Variants in ZNF510 observed in about 807,000 individuals in gnomAD.
ZNF510 encodes the protein zinc finger protein 510.
ZNF510 carries 15 observed loss-of-function variants against 18.1 expected under a neutral mutation model. The ratio of observed to expected loss-of-function variants is 0.83; its 90% CI spans 0.55 to 1.28. The LOEUF (loss-of-function observed/expected upper bound fraction) is 1.28. Among genes scored for constraint, ZNF510 ranks in the 50% most tolerant of loss-of-function variants. The probability of loss-of-function intolerance (pLI) is 0.00; values close to 1 mark genes in which losing one functional copy is unlikely to be tolerated. For missense variants in ZNF510, 724 were observed against 791.8 expected (o/e 0.91, Z 1.03); for synonymous variants, 261 against 266.4 (o/e 0.98, Z 0.20).
intron 3 of ZNF510, among the ~76,000 whole-genome samples, chr9:96,768,028 A>G (rs1360478806): frequency 6.6e-6 from 1 of 152,238 alleles, no homozygotes; most frequent in Non-Finnish European, 1.5e-5. Context: ...ATGACCAAGT[A>G]CAATTTATTT....
At chr9:96,761,312 G>A (rs1849342028) in intron 5 of ZNF510, among the ~76,000 whole-genome samples, 1 of 152,146 alleles carries the variant, frequency 6.6e-6, no homozygotes, top group Non-Finnish European at 1.5e-5. Flanking sequence ...GTTCTACTGT[G>A]AAAATGACAT....
intron 3 of ZNF510, among the ~76,000 whole-genome samples, chr9:96,766,721 G>A (rs1362677997): frequency 6.6e-6 from 1 of 152,096 alleles, no homozygotes; most frequent in Admixed American, 6.5e-5. Context: ...TTAGCTTAGA[G>A]ATGTAGAGAG....
intron 2 of ZNF510, 142 bp downstream of exon 2, chr9:96,775,858 G>T: frequency 3.0e-6 from 3 of 994,134 alleles, no homozygotes; most frequent in Non-Finnish European, 2.9e-6. Flanking sequence ...AGAAAATGGG[G>T]GCTCTATGAG....
At chr9:96,767,623 A>T (rs7031150) in intron 3 of ZNF510, among the ~76,000 whole-genome samples, 1 of 152,170 alleles carries the variant, frequency 6.6e-6, no homozygotes, top group Non-Finnish European at 1.5e-5. Flanking sequence ...TTACATAACC[A>T]AGATGAAGTG....
intron 3 of ZNF510, 122 bp downstream of exon 3, chr9:96,774,666 T>TG: frequency 1.1e-6 from 1 of 878,616 alleles, no homozygotes; most frequent in South Asian, 1.8e-5. Context: ...GCTGTGCTAC[T>TG]GCCCTGCTTT....
intron 3 of ZNF510, among the ~76,000 whole-genome samples, chr9:96,773,340 C>A (rs987712888): frequency 6.6e-6 from 1 of 152,084 alleles, no homozygotes; most frequent in African/African-American, 2.4e-5. Flanking sequence ...AGAGTGCATA[C>A]AAGAGAAACA....
rs1849655110 is a variant in ZNF510, at chr9:96,774,814, C to T, written c.103G>A (p.Glu35Lys). 11 of 1,613,916 alleles carry T rather than the reference C, an allele frequency of 6.8e-6. No individual in the cohort carries two copies. The highest frequency in any genetic ancestry group is 9.3e-6 in the Non-Finnish European group (11 of 1,179,980). Residue 35 changes from glutamate (E) to lysine (K), a missense_variant, in exon 3 of 6, where the codon GAG becomes AAG. By Grantham distance (56) the Glu-to-Lys change is moderately conservative. Coordinates refer to ENST00000223428, the MANE Select transcript of ZNF510 (RefSeq NM_014930.3). ...YPLRFSTLFQ[E>K]QQKMNISQAS... ...TGAGATATGTTCATTTTCTGCTGCT[C>T]CTGAAAGAGTGTGGAGAACCGTAAA... is the stretch of plus-strand genomic sequence containing the variant.
At position 96,758,701 on chromosome 9, in the gene ZNF510, C is replaced by T. The variant is rs953274002; in HGVS notation, c.*77G>A. 2 of 1,423,152 alleles carry T rather than the reference C, an allele frequency of 1.4e-6. No homozygotes were observed. Among genetic ancestry groups the T allele is most frequent in the African/African-American group, 2.9e-5 (2 of 69,902 alleles). 88.2% of individuals were successfully genotyped at this position (1,423,152 alleles called of 1,614,324 possible). ...TGGGACTGTCTTCTTACATTCACTA[C>T]CCTCAATTGGTTTTTTGTGTATCTC... On this transcript the variant is annotated 3_prime_UTR_variant, in exon 6 of 6. Coordinates refer to ENST00000223428, the MANE Select transcript of ZNF510 (RefSeq NM_014930.3).
intron 3 of ZNF510, among the ~76,000 whole-genome samples, chr9:96,765,313 T>C (rs896192400): frequency 6.6e-6 from 1 of 152,154 alleles, no homozygotes; most frequent in East Asian, 1.9e-4. Flanking sequence ...AAATCAACAC[T>C]TGCAGTTATT....
Position 96,756,412 on chromosome 9 carries a change from G to A in ZNF510, c.*2366C>T, listed in dbSNP as rs1209852355. Reference sequence around the variant, plus strand: ...TTACAGTAACCTCTATGAATTGAGGGCTCTACTAAGCCAGCAACTTTGCTT... The same window carrying A: ...TTACAGTAACCTCTATGAATTGAGGACTCTACTAAGCCAGCAACTTTGCTT... On this transcript the variant is annotated 3_prime_UTR_variant, in exon 6 of 6. Transcript: ENST00000223428. The A allele has an allele frequency of 1.4e-5, 2 of 141,560 alleles. No individual in the cohort carries two copies. Among genetic ancestry groups the A allele is most frequent in the East Asian group, 1.9e-4 (1 of 5,180 alleles). The allele number at this position is 141,560 out of a possible 1,614,324, so 8.8% of individuals were successfully genotyped here.
intron 3 of ZNF510, among the ~76,000 whole-genome samples, chr9:96,769,432 G>A (rs1470010515): frequency 1.6e-5 from 2 of 128,214 alleles, no homozygotes; most frequent in East Asian, 2.0e-4. Flanking sequence ...CAAAGATTCC[G>A]TCTCCAAAAA....
chr9:96,764,143 CA>C (rs1849416184), intron 3 of ZNF510, among the ~76,000 whole-genome samples: 1 of 152,036 alleles, frequency 6.6e-6, no homozygotes, highest in African/African-American at 2.4e-5. Context: ...GAGTTATATA[CA>C]TATACTATAA....
chr9:96,774,722 A>G, intron 3 of ZNF510, 66 bp downstream of exon 3: 1 of 1,370,938 alleles, frequency 7.3e-7, no homozygotes, highest in Non-Finnish European at 1.0e-6. Flanking sequence ...ACATTTCCAT[A>G]TTAATATGTG....
In ZNF510 at chr9:96,767,396, A is replaced by C. The variant is rs547466199; in HGVS notation, c.130-3764T>G. On this transcript the variant is annotated intron_variant, in intron 3 of 5. Coordinates refer to ENST00000223428, the MANE Select transcript of ZNF510 (RefSeq NM_014930.3). Reference sequence around the variant, plus strand: ...AGAAATTAGAAAATACATTGAGATTACTCACAATGAATACACAAAATACCA... The same window carrying C: ...AGAAATTAGAAAATACATTGAGATTCCTCACAATGAATACACAAAATACCA... 4.6e-5 allele frequency among the ~76,000 whole-genome samples: 7 copies of C among 152,222 alleles called. No homozygotes were observed. In the East Asian group the frequency reaches 1.4e-3, roughly 30 times the overall value.
chr9:96,760,300 T>C lies in ZNF510; in HGVS notation c.530A>G (p.Asn177Ser). ...VASTKMSCKC[N>S]SWEVNLQSIS... ...ACTTTGCAAATTCACTTCCCATGAG[T>C]TGCATTTGCAGGACATTTTTGTTGA... Residue 177 changes from asparagine to serine, a missense_variant, in exon 6 of 6, where the codon AAC (asparagine) becomes AGC (serine). Coordinates refer to ENST00000223428, the MANE Select transcript of ZNF510 (RefSeq NM_014930.3). 1 of 1,613,756 alleles carries C rather than the reference T, an allele frequency of 6.2e-7. No individual in the cohort carries two copies. The highest frequency in any genetic ancestry group is 8.5e-7 in the Non-Finnish European group (1 of 1,179,774).
At chr9:96,769,267 T>G (rs114064394) in intron 3 of ZNF510, among the ~76,000 whole-genome samples, 1,698 of 152,098 alleles carry the variant, frequency 0.011, 30 homozygotes, top group African/African-American at 0.037. Context: ...AAACTCCGTC[T>G]CTACTGAAAA....
rs963843633 is a variant in ZNF510 at position 96,758,381 on chromosome 9, A to C, written c.*397T>G. 4 of 166,874 alleles carry C rather than the reference A, an allele frequency of 2.4e-5. No individual in the cohort carries two copies. Among genetic ancestry groups the C allele is most frequent in the African/African-American group, 7.2e-5 (3 of 41,834 alleles). The allele number at this position is 166,874 out of a possible 1,614,324, so 10.3% of individuals were successfully genotyped here. A position where few individuals can be genotyped will look rare whatever the true frequency, so the allele number is the denominator to read the frequency against. On this transcript the variant is annotated 3_prime_UTR_variant, in exon 6 of 6. Transcript: ENST00000223428. ...ACATCATGGACATCCACATCTTAGTAGCCAGTCACAAAGACCAACCTGGAT... is the reference window on the plus strand; with the variant it reads ...ACATCATGGACATCCACATCTTAGTCGCCAGTCACAAAGACCAACCTGGAT...
In ZNF510 at chr9:96,758,908, G is replaced by C. The variant is rs199875172; in HGVS notation, c.1922C>G (p.Ser641Ter). The C allele has an allele frequency of 6.2e-7, 1 of 1,613,922 alleles. No individual in the cohort carries two copies. Among genetic ancestry groups the C allele is most frequent in the East Asian group, 2.2e-5 (1 of 44,880 alleles). Residue 641 changes from serine to a stop codon, truncating the protein, a stop_gained, in exon 6 of 6, where the codon TCA (serine) becomes TGA (stop). Transcript: ENST00000223428. LOFTEE classifies it low-confidence loss of function (END_TRUNC). ...NKCGKTFGQK[S>*]NLRIHQRTHS... ...AGTCCTTTGATGTATTCTGAGGTTT[G>C]ATTTCTGGCCAAAAGTTTTCCCACA...
At position 96,763,230 on chromosome 9, in the gene ZNF510, A is replaced by G; in HGVS notation, c.257-17T>C. ...AGCAGTACCCTGTTAATAAAACACA[A>G]TCGAGGACTTAGACCAGATATATGA... On this transcript the variant is annotated splice_polypyrimidine_tract_variant and intron_variant, in intron 4 of 5. Coordinates refer to ENST00000223428, the MANE Select transcript of ZNF510 (RefSeq NM_014930.3). 1 of 1,611,202 alleles carries G rather than the reference A, an allele frequency of 6.2e-7. No individual in the cohort carries two copies. Among genetic ancestry groups the G allele is most frequent in the Non-Finnish European group, 8.5e-7 (1 of 1,177,448 alleles).
Sources: allele counts gnomAD v4.1 joint callset (sites outside exome capture counted in the v4.1 genomes callset), GRCh38; gene constraint gnomAD v4.1.1; transcripts MANE v1.5; gene names NCBI Gene and HGNC (gene_info 2026-07-23, HGNC 2026-07-21).